BSN: variants seen among roughly 807,000 people sequenced by gnomAD.
BSN encodes the protein protein bassoon.
A neutral mutation model predicts 264.8 loss-of-function variants in BSN; 57 were observed. The observed-to-expected ratio is 0.22, with a 90% CI of 0.17 to 0.27. BSN has a LOEUF of 0.27. BSN is among the 10% of genes least tolerant of loss of function. BSN has a pLI of 1.00. For missense variants in BSN, 4,615 were observed against 5,232.5 expected (o/e 0.88, Z 3.64); for synonymous variants, 2,059 against 2,137.3 (o/e 0.96, Z 1.01).
intron 1 of BSN, among the ~76,000 whole-genome samples, chr3:49,578,696 G>A (rs113465792): frequency 0.016 from 2,402 of 152,040 alleles, 38 homozygotes; most frequent in Middle Eastern, 0.041. Flanking sequence ...GTGAACCACC[G>A]CACCTGGCCC....
At chr3:49,628,741 CTTATTCTGGG>C (rs2052362295) in intron 2 of BSN, among the ~76,000 whole-genome samples, 1 of 152,172 alleles carries the variant, frequency 6.6e-6, no homozygotes, top group Non-Finnish European at 1.5e-5. Flanking sequence ...GAAGTCTTGG[CTTATTCTGGG>C]TTATTCTGGA....
At chr3:49,561,587 A>G (rs1463737765) in intron 1 of BSN, among the ~76,000 whole-genome samples, 1 of 152,178 alleles carries the variant, frequency 6.6e-6, no homozygotes, top group Non-Finnish European at 1.5e-5. Context: ...TATGCACTAT[A>G]TATTTATTAT....
chr3:49,569,612 G>T (rs1348875317), intron 1 of BSN, among the ~76,000 whole-genome samples: 1 of 152,168 alleles, frequency 6.6e-6, no homozygotes, highest in African/African-American at 2.4e-5. Context: ...GGGCTCAGGG[G>T]CCTACTGTCG....
intron 1 of BSN, among the ~76,000 whole-genome samples, chr3:49,565,119 T>G (rs2051742400): frequency 1.3e-5 from 2 of 149,140 alleles, no homozygotes; most frequent in Admixed American, 6.7e-5. Flanking sequence ...TTCCTCCACT[T>G]TTTTTTTTTG....
Position 49,584,940 on chromosome 3 carries a change from C to G in BSN, c.224+30114C>G, listed in dbSNP as rs1480165443. On this transcript the variant is annotated intron_variant, in intron 1 of 11. Transcript: ENST00000296452. ...TCATTTAACATAATGATCTCTAGTT[C>G]TGGCCGTATTGTTGCAAATGACTGT... 2.0e-5 allele frequency among the ~76,000 whole-genome samples: 3 copies of G among 152,172 alleles called. No homozygotes were observed. The East Asian group carries it at 5.8e-4, about 29-fold the overall frequency.
At chr3:49,609,542 G>A (rs944370477) in intron 1 of BSN, among the ~76,000 whole-genome samples, 2 of 152,194 alleles carry the variant, frequency 1.3e-5, no homozygotes, top group Non-Finnish European at 2.9e-5. Flanking sequence ...GATAGGAGGA[G>A]CCACATGGTA....
intron 1 of BSN, among the ~76,000 whole-genome samples, chr3:49,610,598 A>AAAAC (rs1553662620): frequency 1.3e-5 from 2 of 151,570 alleles, no homozygotes; most frequent in Non-Finnish European, 2.9e-5. Context: ...AAAAAAAAAA[A>AAAAC]AAAAAAAACA....
At chr3:49,562,319 A>G (rs146953588) in intron 1 of BSN, among the ~76,000 whole-genome samples, 148 of 152,304 alleles carry the variant, frequency 9.7e-4, no homozygotes, top group African/African-American at 3.4e-3. Flanking sequence ...TTGGATACCT[A>G]TCCCTGGGTG....
At chr3:49,562,644 C>T (rs1485501931) in intron 1 of BSN, among the ~76,000 whole-genome samples, 1 of 152,234 alleles carries the variant, frequency 6.6e-6, no homozygotes, top group Non-Finnish European at 1.5e-5. Context: ...TGTAGAAGAA[C>T]AGCCAGCTAG....
chr3:49,657,065 C>A lies in BSN; in HGVS notation c.7509C>A (p.Pro2503=), dbSNP rs748939496. ...TGGCCCAGAATGGCCAGTATTGGCC[C>A]CCCCTTACACATGCAGCCTTCATTG... ...AELAQNGQYW[P]PLTHAAFIAM... The change falls in exon 5 of 12, where the codon CCC becomes CCA. Residue 2503 remains proline, a synonymous_variant. Coordinates refer to ENST00000296452, the MANE Select transcript of BSN (RefSeq NM_003458.4). 4 of 1,609,302 alleles carry A rather than the reference C, an allele frequency of 2.5e-6. No homozygotes were observed. The African/African-American group carries it at 4.0e-5, about 16-fold the overall frequency.
At position 49,661,208 on chromosome 3, in the gene BSN, A is replaced by T; in HGVS notation, c.9363A>T (p.Gln3121His). The change falls in exon 6 of 12, where the codon CAA becomes CAT. Residue 3121 changes from glutamine to histidine, a missense_variant. Around this residue, in one of 3 missense-constraint regions of BSN, gnomAD observed 3,415 missense variants for 3,866.4 expected, o/e 0.88. Transcript: ENST00000296452. ...GCCCCACAGGCCACTATGCAGGCCA[A>T]ACACCCATGCCAACCACACAGAGCA... ...AFRPTGHYAGQTPMPTTQSTL... is the reference protein window; with the variant it reads ...AFRPTGHYAGHTPMPTTQSTL... 1 of 1,613,636 alleles carries T rather than the reference A, an allele frequency of 6.2e-7. No individual in the cohort carries two copies. Among genetic ancestry groups the T allele is most frequent in the South Asian group, 1.1e-5 (1 of 91,086 alleles).
intron 1 of BSN, among the ~76,000 whole-genome samples, chr3:49,616,939 C>T (rs1165856755): frequency 6.6e-6 from 1 of 152,188 alleles, no homozygotes; most frequent in Admixed American, 6.5e-5. Context: ...GAGAGGCTAA[C>T]TGAATTTTCT....
intron 1 of BSN, among the ~76,000 whole-genome samples, chr3:49,591,076 A>G (rs1316277788): frequency 6.6e-6 from 1 of 152,128 alleles, no homozygotes; most frequent in Non-Finnish European, 1.5e-5. Context: ...ATCTCAAAAA[A>G]AAAAAAGAAA....
chr3:49,614,129 G>A (rs1288996079), intron 1 of BSN, among the ~76,000 whole-genome samples: 2 of 140,018 alleles, frequency 1.4e-5, no homozygotes, highest in African/African-American at 2.7e-5. Flanking sequence ...GCTTGATCTC[G>A]GCTCACTGCA....
intron 1 of BSN, among the ~76,000 whole-genome samples, chr3:49,617,283 TTATATATATATATA>T (rs6147817): frequency 0.014 from 1,744 of 122,044 alleles, 23 homozygotes; most frequent in African/African-American, 0.023. Context: ...ATAAAATACA[TTATATATATATATA>T]TATATATATA....
In BSN at chr3:49,662,938, C is replaced by T. The variant is rs201790921; in HGVS notation, c.10780C>T (p.Arg3594Trp). 147 of 1,613,618 alleles carry T rather than the reference C, an allele frequency of 9.1e-5. No homozygotes were observed. The highest frequency in any genetic ancestry group is 3.3e-4 in the Middle Eastern group (2 of 6,060). The stretch of plus-strand genomic sequence containing the variant: ...TAAGCCCCGGGATGCCCGCTCTGAC[C>T]GGTTCAGGCACCACGGGGGCCATGC... ...FDKPRDARSD[R>W]FRHHGGHAVS... The change falls in exon 7 of 12, where the codon CGG becomes TGG. Residue 3594 changes from arginine to tryptophan, a missense_variant. Physicochemically the swap from Arg to Trp is moderately radical, Grantham distance 101. Coordinates refer to ENST00000296452, the MANE Select transcript of BSN (RefSeq NM_003458.4).
intron 1 of BSN, among the ~76,000 whole-genome samples, chr3:49,605,746 TATA>T (rs2052127578): frequency 1.3e-5 from 1 of 75,480 alleles, no homozygotes; most frequent in Non-Finnish European, 2.3e-5. Flanking sequence ...TATAAATATA[TATA>T]ATATATAAAT....
At chr3:49,590,767 A>T (rs929181956) in intron 1 of BSN, among the ~76,000 whole-genome samples, 56 of 151,980 alleles carry the variant, frequency 3.7e-4, no homozygotes, top group African/African-American at 1.2e-3. Context: ...TTGTGACTTT[A>T]TGTAATATTA....
intron 1 of BSN, among the ~76,000 whole-genome samples, chr3:49,582,138 C>T (rs1271204827): frequency 2.0e-5 from 3 of 152,164 alleles, no homozygotes; most frequent in Non-Finnish European, 2.9e-5. Flanking sequence ...AATTTTTCCA[C>T]GTCCTTGTCA....
Sources: allele counts gnomAD v4.1 joint callset (sites outside exome capture counted in the v4.1 genomes callset), GRCh38; gene constraint gnomAD v4.1.1; regional missense constraint gnomAD v4.1.1; transcripts MANE v1.5; gene names NCBI Gene and HGNC (gene_info 2026-07-23, HGNC 2026-07-21).